Variants in OSBP observed in about 807,000 individuals in gnomAD.
OSBP encodes oxysterol-binding protein 1.
OSBP carries 32 observed loss-of-function variants against 96.6 expected under a neutral mutation model. The ratio of observed to expected loss-of-function variants is 0.33; its 90% CI spans 0.25 to 0.45. OSBP has a LOEUF of 0.45. Ranked by LOEUF, OSBP falls within the 20% of genes least tolerant of loss-of-function variation. OSBP has a pLI of 1.00. For missense variants in OSBP, 653 were observed against 1,029.7 expected, an observed-to-expected ratio of 0.63 and a Z score of 5.01; for synonymous variants, 369 against 389.6, an observed-to-expected ratio of 0.95 and a Z score of 0.62.
chr11:59,593,712 G>A lies in OSBP; in HGVS notation c.1570C>T (p.Pro524Ser). 1 of 1,614,106 alleles carries A rather than the reference G, an allele frequency of 6.2e-7. No homozygotes were observed. Among genetic ancestry groups the A allele is most frequent in the Non-Finnish European group, 8.5e-7 (1 of 1,179,968 alleles). Residue 524 changes from proline (P) to serine (S), a missense_variant, in exon 9 of 14, where the codon CCC (proline) becomes TCC (serine). Transcript: ENST00000263847. ...RSLCEQVSHHPPAAAHHAESK... is the reference protein window; with the variant it reads ...RSLCEQVSHHSPAAAHHAESK... ...TCAGCATGGTGCGCAGCAGCAGGGG[G>A]ATGATGACTCACCTTGAAGAAATCA... is the stretch of plus-strand genomic sequence containing the variant.
rs1860350521 is a variant in OSBP at position 59,575,405 on chromosome 11, G to A, written c.*1172C>T. 6.6e-6 allele frequency: 1 copy of A among 152,312 alleles called. No individual in the cohort carries two copies. Among genetic ancestry groups the A allele is most frequent in the African/African-American group, 2.4e-5 (1 of 41,428 alleles). The allele number at this position is 152,312 out of a possible 1,614,324, so 9.4% of individuals were successfully genotyped here. ...TCTCTCTGCCCATAAAAGATGGAGA[G>A]CAGGAGTGCCATCCACATCAACACG... On this transcript the variant is annotated 3_prime_UTR_variant, in exon 14 of 14. Coordinates refer to ENST00000263847, the MANE Select transcript of OSBP (RefSeq NM_002556.3).
chr11:59,615,214 GC>G, intron 1 of OSBP, 88 bp downstream of exon 1: 1 of 1,135,152 alleles, frequency 8.8e-7, no homozygotes, highest in Non-Finnish European at 1.3e-6. Context: ...AACCCTGGCT[GC>G]GGTGCCGGCT....
intron 7 of OSBP, among the ~76,000 whole-genome samples, chr11:59,598,614 G>A (rs1441969840): frequency 6.6e-6 from 1 of 152,152 alleles, no homozygotes; most frequent in Non-Finnish European, 1.5e-5. Flanking sequence ...TTTTGAGACA[G>A]AGTCTAGCTC....
intron 1 of OSBP, among the ~76,000 whole-genome samples, 154 bp from the exon 2 acceptor site, chr11:59,610,743 G>A (rs1025568553): frequency 2.6e-5 from 4 of 151,348 alleles, no homozygotes; most frequent in South Asian, 2.1e-4. Flanking sequence ...TAAAATTCAC[G>A]AAACAATTAG....
intron 7 of OSBP, among the ~76,000 whole-genome samples, chr11:59,598,732 G>A (rs1860686134): frequency 6.6e-6 from 1 of 152,110 alleles, no homozygotes; most frequent in South Asian, 2.1e-4. Flanking sequence ...TGGGACTAGA[G>A]GTGTGCACCA....
intron 3 of OSBP, among the ~76,000 whole-genome samples, chr11:59,604,519 T>C (rs187809596): frequency 1.3e-5 from 2 of 151,910 alleles, no homozygotes; most frequent in African/African-American, 2.4e-5. Context: ...CTGGCCAACA[T>C]AGTGAAACCC....
chr11:59,576,516 T>C lies in OSBP; in HGVS notation c.*61A>G. On this transcript the variant is annotated 3_prime_UTR_variant, in exon 14 of 14. Coordinates refer to ENST00000263847, the MANE Select transcript of OSBP (RefSeq NM_002556.3). Reference sequence around the variant, plus strand: ...TGGTAAGAGAGTCACAACTTCCAGCTTTCCCACACATCCTCTGTCCTCTTC... The same window carrying C: ...TGGTAAGAGAGTCACAACTTCCAGCCTTCCCACACATCCTCTGTCCTCTTC... 1 of 1,547,300 alleles carries C rather than the reference T, an allele frequency of 6.5e-7. No homozygotes were observed. Among genetic ancestry groups the C allele is most frequent in the Non-Finnish European group, 8.7e-7 (1 of 1,143,570 alleles).
intron 9 of OSBP, among the ~76,000 whole-genome samples, chr11:59,583,362 C>A (rs931228152): frequency 1.3e-5 from 2 of 151,932 alleles, no homozygotes; most frequent in Admixed American, 6.6e-5. Flanking sequence ...AAAAGTATAA[C>A]CCTAAGTTCT....
intron 1 of OSBP, among the ~76,000 whole-genome samples, chr11:59,613,393 T>C (rs940906096): frequency 3.9e-5 from 6 of 152,226 alleles, no homozygotes; most frequent in Non-Finnish European, 8.8e-5. Flanking sequence ...AAGTTATTAG[T>C]GTCTAAGATC....
chr11:59,578,875 G>A (rs1860388447), intron 11 of OSBP, among the ~76,000 whole-genome samples: 1 of 151,948 alleles, frequency 6.6e-6, no homozygotes, highest in Non-Finnish European at 1.5e-5. Context: ...TTTTATTTTT[G>A]TGAGTTCATA....
chr11:59,609,130 C>T (rs147816597), intron 2 of OSBP, among the ~76,000 whole-genome samples: 83 of 152,332 alleles, frequency 5.4e-4, no homozygotes, highest in African/African-American at 1.9e-3. Context: ...CTCCTTAACT[C>T]TAGCTTGATG....
At chr11:59,586,181 A>G (rs1168920665) in intron 9 of OSBP, among the ~76,000 whole-genome samples, 4 of 150,024 alleles carry the variant, frequency 2.7e-5, no homozygotes, top group Non-Finnish European at 5.9e-5. Context: ...AAATAAAGAA[A>G]AAAAAAAAAA....
At chr11:59,598,340 T>G (rs1860682312) in intron 7 of OSBP, among the ~76,000 whole-genome samples, 1 of 152,164 alleles carries the variant, frequency 6.6e-6, no homozygotes, top group African/African-American at 2.4e-5. Context: ...TTCAAGAGGG[T>G]AGGGAGAATG....
chr11:59,603,543 T>TG (rs1456217828), intron 3 of OSBP, among the ~76,000 whole-genome samples: 35 of 148,888 alleles, frequency 2.4e-4, no homozygotes, highest in African/African-American at 8.2e-4. Context: ...TTTTTTTTTT[T>TG]TTTTTTTTTT....
chr11:59,596,586 CA>C (rs113563479), intron 7 of OSBP, among the ~76,000 whole-genome samples: 25,844 of 141,322 alleles, frequency 0.18, 3,932 homozygotes, highest in African/African-American at 0.42. Context: ...ATTAGGCACC[CA>C]AAAAAAAAAA....
intron 10 of OSBP, 85 bp downstream of exon 10, chr11:59,581,366 A>T: frequency 1.6e-6 from 1 of 622,034 alleles, no homozygotes; most frequent in East Asian, 2.8e-5. Flanking sequence ...TTCTGAGACC[A>T]GTTCACATGT....
In OSBP at chr11:59,578,178, C is replaced by A. The variant is rs1410488739; in HGVS notation, c.2031G>T (p.Arg677Ser). ...RQRGHEAEES[R>S]VMLWKRNPLP... Reference sequence around the variant, plus strand: ...AAGGATTCCTTTTCCACAGCATGACCCTGCTTTCCTCTGCTTCATGGCCTC... The same window carrying A: ...AAGGATTCCTTTTCCACAGCATGACACTGCTTTCCTCTGCTTCATGGCCTC... Residue 677 changes from arginine (R) to serine (S), a missense_variant, in exon 12 of 14, where the codon AGG (arginine) becomes AGT (serine). Arg to Ser is a moderately radical substitution (Grantham distance 110). This residue lies in a region of OSBP where 169 missense variants were observed against 251.5 expected (regional missense o/e 0.67). Transcript: ENST00000263847. 1.2e-6 allele frequency: 2 copies of A among 1,614,074 alleles called. No individual in the cohort carries two copies. Among genetic ancestry groups the A allele is most frequent in the Non-Finnish European group, 1.7e-6 (2 of 1,180,042 alleles).
At chr11:59,607,514 CTTT>C (rs1860795298) in intron 3 of OSBP, among the ~76,000 whole-genome samples, 1 of 152,038 alleles carries the variant, frequency 6.6e-6, no homozygotes, top group Admixed American at 6.6e-5. Context: ...AAAAACGATA[CTTT>C]CCCATGGTCA....
Position 59,576,699 on chromosome 11 carries a change from T to C in OSBP, c.2302A>G (p.Lys768Glu), listed in dbSNP as rs1333144383. The C allele has an allele frequency of 1.2e-6, 2 of 1,613,938 alleles. No homozygotes were observed. The highest frequency in any genetic ancestry group is 1.7e-6 in the Non-Finnish European group (2 of 1,179,998). Reference sequence around the variant, plus strand: ...TTCTTCCGCTCAAACCACAGTGCCTTATAGGGATCATATGGTGTGCCTAAA... The same window carrying C: ...TTCTTCCGCTCAAACCACAGTGCCTCATAGGGATCATATGGTGTGCCTAAA... The part of the protein sequence containing the change: ...TEDGTPYDPY[K>E]ALWFERKKDP... Residue 768 changes from lysine to glutamate, a missense_variant, in exon 14 of 14, where the codon AAG (lysine) becomes GAG (glutamate). Coordinates refer to ENST00000263847, the MANE Select transcript of OSBP (RefSeq NM_002556.3).
Sources: allele counts gnomAD v4.1 joint callset (sites outside exome capture counted in the v4.1 genomes callset), GRCh38; gene constraint gnomAD v4.1.1; regional missense constraint gnomAD v4.1.1; transcripts MANE v1.5; gene names NCBI Gene and HGNC (gene_info 2026-07-23, HGNC 2026-07-21).